Variants in DLC1 observed in about 807,000 individuals in gnomAD.
DLC1 encodes the protein rho GTPase-activating protein 7.
In DLC1, 54 loss-of-function variants were observed where a neutral mutation model predicts 140.3. The ratio of observed to expected loss-of-function variants is 0.38; its 90% CI spans 0.31 to 0.48. The LOEUF (loss-of-function observed/expected upper bound fraction) is 0.48. Among genes scored for constraint, DLC1 ranks in the 20% least tolerant of loss-of-function variants. The pLI is 0.96. For synonymous variants in DLC1, 986 were observed against 728.1 expected, an observed-to-expected ratio of 1.35 and a Z score of -5.70; for missense variants, 2,536 against 1,907.0, an observed-to-expected ratio of 1.33 and a Z score of -6.14.
At chr8:13,287,413 T>C (rs555300753) in intron 5 of DLC1, among the ~76,000 whole-genome samples, 1 of 152,344 alleles carries the variant, frequency 6.6e-6, no homozygotes, top group African/African-American at 2.4e-5. Context: ...TTTCATTATA[T>C]TTTAAAACAG....
chr8:13,603,873 C>G (rs1259448728), intron 1 of DLC1, among the ~76,000 whole-genome samples: 1 of 152,042 alleles, frequency 6.6e-6, no homozygotes, highest in Non-Finnish European at 1.5e-5. Flanking sequence ...TTTTAAAAAG[C>G]TATGCCTTTG....
chr8:13,237,980 A>G (rs1402791724), intron 5 of DLC1, among the ~76,000 whole-genome samples: 2 of 152,214 alleles, frequency 1.3e-5, no homozygotes, highest in Non-Finnish European at 2.9e-5. Flanking sequence ...AAAGAAGGAA[A>G]GAAACGAACA....
intron 2 of DLC1, among the ~76,000 whole-genome samples, chr8:13,438,987 T>G (rs566003953): frequency 6.6e-6 from 1 of 152,330 alleles, no homozygotes; most frequent in East Asian, 1.9e-4. Context: ...ATAGACACTA[T>G]GTATACAAAT....
chr8:13,264,071 T>TATTTATTTATTTATTC (rs1247461498), intron 5 of DLC1, among the ~76,000 whole-genome samples: 10 of 151,022 alleles, frequency 6.6e-5, no homozygotes, highest in Admixed American at 6.6e-4. Flanking sequence ...TTTATTTATT[T>TATTTATTTATTTATTC]ATTTATTTAT....
chr8:13,470,480 G>C (rs1025323152), intron 2 of DLC1, among the ~76,000 whole-genome samples: 1 of 152,220 alleles, frequency 6.6e-6, no homozygotes, highest in African/African-American at 2.4e-5. Context: ...TTTCTCCAAA[G>C]AAGACATAGA....
chr8:13,548,464 G>T (rs948889906), intron 1 of DLC1, among the ~76,000 whole-genome samples: 1 of 152,022 alleles, frequency 6.6e-6, no homozygotes, highest in Non-Finnish European at 1.5e-5. Context: ...CTGCAATAGT[G>T]AAGTAGGTAT....
chr8:13,459,244 T>C (rs1036884941), intron 2 of DLC1, among the ~76,000 whole-genome samples: 4 of 152,202 alleles, frequency 2.6e-5, no homozygotes, highest in African/African-American at 9.7e-5. Context: ...TTCTGATTTC[T>C]TCCTTTCCCT....
chr8:13,289,666 G>T (rs1334165587), intron 5 of DLC1, among the ~76,000 whole-genome samples: 1 of 152,192 alleles, frequency 6.6e-6, no homozygotes, highest in East Asian at 1.9e-4. Context: ...GGTAACACCT[G>T]CTAGGCTATT....
At chr8:13,305,756 G>A (rs534595576) in intron 4 of DLC1, among the ~76,000 whole-genome samples, 4 of 152,184 alleles carry the variant, frequency 2.6e-5, no homozygotes, top group Non-Finnish European at 4.4e-5. Context: ...AGAATCACCT[G>A]AGCCCAGGGA....
intron 2 of DLC1, among the ~76,000 whole-genome samples, chr8:13,422,652 G>A (rs1838371195): frequency 6.6e-6 from 1 of 152,108 alleles, no homozygotes; most frequent in Non-Finnish European, 1.5e-5. Flanking sequence ...TGGTTAAAGG[G>A]AGGGTGCTGG....
rs993861281 is a variant in DLC1, at chr8:13,499,232, C to G, written c.840G>C (p.Gln280His). Residue 280 changes from glutamine to histidine, a missense_variant, in exon 2 of 18, where the codon CAG becomes CAC. Coordinates refer to ENST00000276297, the MANE Select transcript of DLC1 (RefSeq NM_182643.3). ...LKTDFGSCLL[Q>H]PPSCPNGMSA... is the part of the protein sequence containing the mutation. ...ACATTCCATTGGGGCAGGAAGGAGG[C>G]TGCAGAAGGCAGCTTCCAAAATCTG... is the stretch of plus-strand genomic sequence containing the variant. 3 of 1,614,202 alleles carry G rather than the reference C, an allele frequency of 1.9e-6. No homozygotes were observed. The highest frequency in any genetic ancestry group is 3.3e-5 in the Admixed American group (2 of 60,020).
intron 4 of DLC1, among the ~76,000 whole-genome samples, chr8:13,309,234 T>G (rs919025215): frequency 1.3e-5 from 2 of 152,190 alleles, no homozygotes; most frequent in Non-Finnish European, 2.9e-5. Flanking sequence ...CTGTAACTTA[T>G]ATATTTTTTT....
At chr8:13,203,654 C>T (rs1438285436) in intron 5 of DLC1, among the ~76,000 whole-genome samples, 1 of 152,178 alleles carries the variant, frequency 6.6e-6, no homozygotes, top group Non-Finnish European at 1.5e-5. Context: ...TCCTCCCCCT[C>T]CCTCTGTGGT....
At chr8:13,302,428 T>G (rs1255803412) in intron 5 of DLC1, among the ~76,000 whole-genome samples, 3 of 152,194 alleles carry the variant, frequency 2.0e-5, no homozygotes, top group Non-Finnish European at 4.4e-5. Flanking sequence ...CTTTGAAGAT[T>G]TCTGTCATCA....
intron 5 of DLC1, among the ~76,000 whole-genome samples, chr8:13,168,591 G>A (rs1825252663): frequency 6.6e-6 from 1 of 152,232 alleles, no homozygotes; most frequent in African/African-American, 2.4e-5. Flanking sequence ...GAACTCAGAG[G>A]AAAGGAAAAG....
chr8:13,211,332 A>G (rs765086146), intron 5 of DLC1, among the ~76,000 whole-genome samples: 1 of 152,010 alleles, frequency 6.6e-6, no homozygotes, highest in Non-Finnish European at 1.5e-5. Context: ...TGCTCTGTCT[A>G]TGGAGCACCG....
At chr8:13,237,277 A>G (rs528410900) in intron 5 of DLC1, among the ~76,000 whole-genome samples, 8 of 132,718 alleles carry the variant, frequency 6.0e-5, no homozygotes, top group East Asian at 2.2e-4. Context: ...ATATAGGTGT[A>G]TATATATATA....
chr8:13,506,252 C>G (rs1348538354), intron 1 of DLC1, among the ~76,000 whole-genome samples: 1 of 151,792 alleles, frequency 6.6e-6, no homozygotes, highest in Non-Finnish European at 1.5e-5. Context: ...AATGAACACG[C>G]TATTGACTTC....
At chr8:13,095,447 T>C (rs1818431181) in intron 10 of DLC1, 1 of 622,706 alleles carries the variant, frequency 1.6e-6, no homozygotes. Context: ...TCTTTTGTGC[T>C]CAGTACCTAC....
Sources: gnomAD v4.1 joint callset for allele counts (sites outside exome capture counted in the v4.1 genomes callset) on GRCh38, gnomAD v4.1.1 for gene constraint, MANE v1.5 for transcripts, NCBI Gene and HGNC (gene_info 2026-07-23, HGNC 2026-07-21) for gene names.